Variants in ATXN10 observed in about 807,000 individuals in gnomAD.
The protein encoded by ATXN10 is ataxin 10.
Under a neutral mutation model 52.9 loss-of-function variants are expected in ATXN10, and 28 were observed. The observed-to-expected ratio is 0.53, with a 90% confidence interval of 0.39 to 0.73. The LOEUF is 0.73. ATXN10 is among the 30% of genes least tolerant of loss of function. The pLI is 0.00. For missense variants in ATXN10, 565 were observed against 577.0 expected, an observed-to-expected ratio of 0.98 and a Z score of 0.21; for synonymous variants, 226 against 221.5, an observed-to-expected ratio of 1.02 and a Z score of -0.18.
At position 45,845,118 on chromosome 22, in the gene ATXN10, C is replaced by G. The variant is rs1453650180; in HGVS notation, c.*1447C>G. The G allele has an allele frequency of 2.0e-5, 3 of 152,250 alleles. No homozygotes were observed. Among genetic ancestry groups the G allele is most frequent in the African/African-American group, 7.2e-5 (3 of 41,470 alleles). 9.4% of individuals were successfully genotyped at this position (152,250 alleles called of 1,614,324 possible). On this transcript the variant is annotated 3_prime_UTR_variant, in exon 12 of 12. Transcript: ENST00000252934. The surrounding 1 kb of genome is among the most constrained non-coding windows in gnomAD (Gnocchi z 4.7). ...ACATAAAGAGTTAAAGCTCTGTCCT[C>G]TAAATAGAAGCCTGGCCAAAGGGAG...
chr22:45,770,045 G>C lies in ATXN10; in HGVS notation c.1173+29507G>C, dbSNP rs1326911765. 6.6e-6 allele frequency among the ~76,000 whole-genome samples: 1 copy of C among 152,180 alleles called. No individual in the cohort carries two copies. Among genetic ancestry groups the C allele is most frequent in the Non-Finnish European group, 1.5e-5 (1 of 68,036 alleles). Reference sequence around the variant, plus strand: ...TAAGAGCTGAAGAAGGGCGGCTTAGGGTTTCTAGACCAGTAATGGCTACTG... The same window carrying C: ...TAAGAGCTGAAGAAGGGCGGCTTAGCGTTTCTAGACCAGTAATGGCTACTG... On this transcript the variant is annotated intron_variant, in intron 9 of 11. Transcript: ENST00000252934. This position sits in a 1 kb window ranked among gnomAD's most constrained non-coding sequence, Gnocchi z 4.5.
chr22:45,755,121 A>T (rs896292667), intron 9 of ATXN10, among the ~76,000 whole-genome samples: 1 of 152,202 alleles, frequency 6.6e-6, no homozygotes, highest in African/African-American at 2.4e-5. Context: ...GGAAATCTCC[A>T]ACCCTCCAAA....
intron 7 of ATXN10, among the ~76,000 whole-genome samples, chr22:45,730,070 A>G (rs1925027898): frequency 6.6e-6 from 1 of 152,188 alleles, no homozygotes; most frequent in African/African-American, 2.4e-5. Context: ...TAGGCTGGGC[A>G]CGGTGCCTCA....
intron 9 of ATXN10, chr22:45,793,483 C>A (rs1239979666): frequency 5.1e-6 from 5 of 974,790 alleles, no homozygotes; most frequent in African/African-American, 1.7e-5. Context: ...TTTAATAAAT[C>A]TCTCACTGCT....
chr22:45,738,660 AC>A (rs1345373293), intron 7 of ATXN10, 70 bp from the exon 8 acceptor site: 49 of 1,222,074 alleles, frequency 4.0e-5, no homozygotes, highest in Non-Finnish European at 5.3e-5. Flanking sequence ...TTATTCTCTT[AC>A]AGTTATTTAT....
chr22:45,790,011 C>T lies in ATXN10; in HGVS notation c.1174-16948C>T, dbSNP rs1214621560. Among the ~76,000 whole-genome samples the T allele has an allele frequency of 6.6e-6, 1 of 152,158 alleles. No homozygotes were observed. The highest frequency in any genetic ancestry group is 1.5e-5 in the Non-Finnish European group (1 of 68,038). On this transcript the variant is annotated intron_variant, in intron 9 of 11. Transcript: ENST00000252934. The surrounding 1 kb of genome is among the most constrained non-coding windows in gnomAD (Gnocchi z 4.7). ...AATAATAGAATGCCCATAAGAGACA[C>T]TCCATATTTGAATATTAATTCTATC...
chr22:45,806,464 C>T (rs192842439), intron 9 of ATXN10, among the ~76,000 whole-genome samples: 72 of 152,150 alleles, frequency 4.7e-4, no homozygotes, highest in Non-Finnish European at 8.5e-4. Flanking sequence ...CTTCCAAATC[C>T]GTGATACCTT....
chr22:45,740,673 T>C (rs565480545), intron 9 of ATXN10, 135 bp downstream of exon 9: 92 of 583,442 alleles, frequency 1.6e-4, no homozygotes, highest in Non-Finnish European at 2.2e-4. Flanking sequence ...ATATATTTTA[T>C]ATGAATACAC....
intron 10 of ATXN10, among the ~76,000 whole-genome samples, chr22:45,817,412 C>T (rs1033025966): frequency 6.6e-6 from 1 of 151,290 alleles, no homozygotes; most frequent in African/African-American, 2.4e-5. Context: ...GCAACCTGCG[C>T]CTCCTGAGTT....
rs1555896219 is a variant in ATXN10 at position 45,795,424 on chromosome 22, T to TATTCTATTCTATTCTA, written c.1174-11535_1174-11534insATTCTATTCTATTCTA. 2.0e-5 allele frequency among the ~76,000 whole-genome samples: 3 copies of TATTCTATTCTATTCTA among 147,552 alleles called. No individual in the cohort carries two copies. Among genetic ancestry groups the TATTCTATTCTATTCTA allele is most frequent in the East Asian group, 2.0e-4 (1 of 5,088 alleles). ...TATTCTATTCTATTCTATTCTATTC[T>TATTCTATTCTATTCTA]TTTTGAGATGAAGTCTCTCTATGTT... On this transcript the variant is annotated intron_variant, in intron 9 of 11. Transcript: ENST00000252934. This position sits in a 1 kb window ranked among gnomAD's most constrained non-coding sequence, Gnocchi z 4.6.
At chr22:45,832,320 C>T (rs11703479) in intron 10 of ATXN10, among the ~76,000 whole-genome samples, 11,937 of 152,280 alleles carry the variant, frequency 0.078, 602 homozygotes, top group Middle Eastern at 0.16. Context: ...ACAAGTTTTT[C>T]TCATCAGTGT....
chr22:45,801,232 A>G lies in ATXN10; in HGVS notation c.1174-5727A>G, dbSNP rs553580303. ...AAAACACTGATGCGCAGAAATGCAG[A>G]TTCATTTGTTCTGGGGTTGGGACCA... On this transcript the variant is annotated intron_variant, in intron 9 of 11. Coordinates refer to ENST00000252934, the MANE Select transcript of ATXN10 (RefSeq NM_013236.4). 7.2e-5 allele frequency among the ~76,000 whole-genome samples: 11 copies of G among 152,294 alleles called. No homozygotes were observed. In the East Asian group the frequency reaches 1.2e-3, roughly 16 times the overall value.
intron 9 of ATXN10, among the ~76,000 whole-genome samples, chr22:45,777,889 A>T (rs1474701179): frequency 1.3e-5 from 2 of 152,276 alleles, no homozygotes. Context: ...TCCCTTTCAT[A>T]GAGACCATGA....
At chr22:45,752,565 TTGGGGCTGGGGC>T (rs71190679) in intron 9 of ATXN10, among the ~76,000 whole-genome samples, 6 of 82,562 alleles carry the variant, frequency 7.3e-5, no homozygotes, top group Non-Finnish European at 1.4e-4. Context: ...GGGGTTGGGG[TTGGGGCTGGGGC>T]TGGGGCTGGG....
At chr22:45,748,215 G>A (rs954812264) in intron 9 of ATXN10, among the ~76,000 whole-genome samples, 3 of 151,362 alleles carry the variant, frequency 2.0e-5, no homozygotes, top group Admixed American at 1.3e-4. Context: ...ATTGCCTTAT[G>A]TCTCTAACTA....
At chr22:45,716,180 A>T (rs957764118) in intron 5 of ATXN10, among the ~76,000 whole-genome samples, 2 of 152,158 alleles carry the variant, frequency 1.3e-5, no homozygotes, top group East Asian at 3.9e-4. Flanking sequence ...TGGGAAAATT[A>T]TTCGAACCTA....
Position 45,689,739 on chromosome 22 carries a change from A to G in ATXN10, c.144A>G (p.Gln48=), listed in dbSNP as rs1923296234. 1 of 1,614,154 alleles carries G rather than the reference A, an allele frequency of 6.2e-7. No homozygotes were observed. The highest frequency in any genetic ancestry group is 8.5e-7 in the Non-Finnish European group (1 of 1,180,002). ...AAACAGCACCCAGGACTATCTTCCAAAGAGTTCTGGATATCCTAAAGAAAT... is the reference window on the plus strand; with the variant it reads ...AAACAGCACCCAGGACTATCTTCCAGAGAGTTCTGGATATCCTAAAGAAAT... ...NRETAPRTIF[Q]RVLDILKKSS... The change falls in exon 2 of 12, where the codon CAA becomes CAG. Residue 48 remains glutamine, a synonymous_variant. Coordinates refer to ENST00000252934, the MANE Select transcript of ATXN10 (RefSeq NM_013236.4).
rs2146839637 is a variant in ATXN10 at position 45,770,004 on chromosome 22, G to A, written c.1173+29466G>A. Among the ~76,000 whole-genome samples the A allele has an allele frequency of 6.6e-6, 1 of 152,340 alleles. No homozygotes were observed. The highest frequency in any genetic ancestry group is 1.5e-5 in the Non-Finnish European group (1 of 68,030). On this transcript the variant is annotated intron_variant, in intron 9 of 11. Transcript: ENST00000252934. This position sits in a 1 kb window ranked among gnomAD's most constrained non-coding sequence, Gnocchi z 4.5. ...ATGCAGTTTCACAGAGCAGGCTGTG[G>A]CCCAGATGGCAAGACTAAGAGCTGA...
intron 7 of ATXN10, among the ~76,000 whole-genome samples, chr22:45,737,052 G>A (rs1322775237): frequency 6.6e-6 from 1 of 152,216 alleles, no homozygotes; most frequent in Non-Finnish European, 1.5e-5. Flanking sequence ...AGAATAATGA[G>A]TTGGTTTTGT....
Sources: gnomAD v4.1 joint callset for allele counts (sites outside exome capture counted in the v4.1 genomes callset) on GRCh38, gnomAD v4.1.1 for gene constraint, Gnocchi (gnomAD v3.1) non-coding constraint, MANE v1.5 for transcripts, NCBI Gene and HGNC (gene_info 2026-07-23, HGNC 2026-07-21) for gene names.